Variants in MCM9 observed in about 807,000 individuals in gnomAD.
MCM9 encodes the protein minichromosome maintenance 9 homologous recombination repair factor, also known as DNA helicase MCM9.
In MCM9, 55 loss-of-function variants were observed where a neutral mutation model predicts 72.8. The observed-to-expected ratio is 0.76, with a 90% CI of 0.61 to 0.95. The LOEUF (loss-of-function observed/expected upper bound fraction) is 0.95, where lower values mean the gene tolerates loss of function less well. MCM9 is among the 40% of genes least tolerant of loss of function. MCM9 has a pLI of 0.00. For synonymous variants in MCM9, 480 were observed against 503.4 expected (o/e 0.95, Z 0.62); for missense variants, 1,279 against 1,377.0 (o/e 0.93, Z 1.13).
chr6:118,864,276 T>G (rs1386412025), intron 8 of MCM9, among the ~76,000 whole-genome samples: 2 of 152,138 alleles, frequency 1.3e-5, no homozygotes. Flanking sequence ...TCCTCACAGC[T>G]TAGCTTCTAC....
intron 13 of MCM9, 99 bp from the exon 14 acceptor site, chr6:118,816,393 T>A: frequency 1.0e-6 from 1 of 1,002,284 alleles, no homozygotes; most frequent in Non-Finnish European, 1.4e-6. Flanking sequence ...CTTAAAGATT[T>A]AAGTCCCACA....
At chr6:118,924,216 A>C in intron 3 of MCM9, 89 bp from the exon 4 acceptor site, 2 of 1,210,162 alleles carry the variant, frequency 1.7e-6, no homozygotes, top group Non-Finnish European at 2.3e-6. Context: ...CTGAAAGATA[A>C]ATTTTAATTT....
chr6:118,926,766 A>T (rs114615789), intron 3 of MCM9, among the ~76,000 whole-genome samples: 1,584 of 152,308 alleles, frequency 0.01, 30 homozygotes, highest in African/African-American at 0.036. Flanking sequence ...TTGTTTGAAC[A>T]GTTTTCGATT....
At chr6:118,861,029 T>C (rs913861967) in intron 8 of MCM9, among the ~76,000 whole-genome samples, 3 of 152,162 alleles carry the variant, frequency 2.0e-5, no homozygotes, top group African/African-American at 7.2e-5. Context: ...CCAGATCTCA[T>C]GTCTGCCAAT....
chr6:118,914,334 T>C (rs1297410315), intron 6 of MCM9, among the ~76,000 whole-genome samples: 2 of 152,164 alleles, frequency 1.3e-5, no homozygotes, highest in Non-Finnish European at 2.9e-5. Context: ...AAAGCAGGTA[T>C]TTCATTCAGT....
At chr6:118,869,092 G>A (rs1328797588) in intron 8 of MCM9, among the ~76,000 whole-genome samples, 1 of 152,166 alleles carries the variant, frequency 6.6e-6, no homozygotes, top group African/African-American at 2.4e-5. Flanking sequence ...CCATAAAAAA[G>A]GATGAGTTCA....
At chr6:118,914,950 CAG>C (rs1391970994) in intron 6 of MCM9, among the ~76,000 whole-genome samples, 2 of 152,138 alleles carry the variant, frequency 1.3e-5, no homozygotes, top group East Asian at 1.9e-4. Flanking sequence ...GGTATCAAGA[CAG>C]AATTGTTGAG....
intron 9 of MCM9, among the ~76,000 whole-genome samples, chr6:118,854,990 A>T (rs794867): frequency 0.076 from 11,624 of 152,206 alleles, 688 homozygotes; most frequent in East Asian, 0.19. Flanking sequence ...GTGATGGAGT[A>T]AAAAATAAGT....
intron 9 of MCM9, among the ~76,000 whole-genome samples, chr6:118,851,807 C>T (rs543500531): frequency 6.6e-6 from 1 of 152,284 alleles, no homozygotes; most frequent in African/African-American, 2.4e-5. Context: ...TATAATAATA[C>T]ACATTTTTGC....
At chr6:118,886,610 G>C (rs929864973) in intron 8 of MCM9, among the ~76,000 whole-genome samples, 9 of 151,758 alleles carry the variant, frequency 5.9e-5, no homozygotes, top group African/African-American at 2.2e-4. Flanking sequence ...GCATCAAAAA[G>C]AATAAAATAT....
chr6:118,883,859 A>G (rs1778443703), intron 8 of MCM9, among the ~76,000 whole-genome samples: 1 of 152,212 alleles, frequency 6.6e-6, no homozygotes, highest in Non-Finnish European at 1.5e-5. Flanking sequence ...GCCAAAAGCA[A>G]ATCTCTCTGG....
At chr6:118,859,461 G>C (rs892087358) in intron 8 of MCM9, among the ~76,000 whole-genome samples, 1 of 152,176 alleles carries the variant, frequency 6.6e-6, no homozygotes, top group Non-Finnish European at 1.5e-5. Flanking sequence ...AATGAGATCA[G>C]AGGACAAATT....
At chr6:118,848,411 T>G (rs917099172) in intron 9 of MCM9, among the ~76,000 whole-genome samples, 1 of 151,804 alleles carries the variant, frequency 6.6e-6, no homozygotes, top group African/African-American at 2.4e-5. Flanking sequence ...ACAGTCCAAA[T>G]GCAGCCCACA....
chr6:118,923,768 A>G (rs1431085162), intron 4 of MCM9, 43 bp downstream of exon 4: 2 of 1,534,108 alleles, frequency 1.3e-6, no homozygotes, highest in Admixed American at 3.4e-5. Context: ...TAGCTGAAAA[A>G]CACTTCTTCA....
At chr6:118,867,876 T>TTCC (rs1777319432) in intron 8 of MCM9, among the ~76,000 whole-genome samples, 1 of 61,922 alleles carries the variant, frequency 1.6e-5, no homozygotes, top group African/African-American at 4.1e-5. Flanking sequence ...CTTTTTTCTT[T>TTCC]TTCTTTTTCT....
chr6:118,846,478 T>C (rs1412476966), intron 9 of MCM9, among the ~76,000 whole-genome samples: 1 of 151,656 alleles, frequency 6.6e-6, no homozygotes, highest in Admixed American at 6.6e-5. Flanking sequence ...TGGGGAAATA[T>C]TGAGAACAGG....
chr6:118,843,357 A>G (rs36155971), intron 9 of MCM9, among the ~76,000 whole-genome samples: 147,710 of 151,494 alleles, frequency 0.98, 72,133 homozygotes, highest in Middle Eastern at 1. Context: ...GGCTGGGTGC[A>G]GTGGCTCACA....
intron 8 of MCM9, among the ~76,000 whole-genome samples, chr6:118,860,965 C>T (rs1583460160): frequency 6.6e-6 from 1 of 152,194 alleles, no homozygotes; most frequent in South Asian, 2.1e-4. Context: ...ATCTGCTGGG[C>T]TTGTTCCACC....
At chr6:118,858,460 A>G (rs1338506391) in intron 8 of MCM9, among the ~76,000 whole-genome samples, 1 of 152,180 alleles carries the variant, frequency 6.6e-6, no homozygotes, top group African/African-American at 2.4e-5. Flanking sequence ...GAAAAAAGCA[A>G]GATTTTTTTC....
Sources: gnomAD v4.1 joint callset for allele counts (sites outside exome capture counted in the v4.1 genomes callset) on GRCh38, gnomAD v4.1.1 for gene constraint, MANE v1.5 for transcripts, NCBI Gene and HGNC (gene_info 2026-07-23, HGNC 2026-07-21) for gene names.